The following PAX5 variants were observed in gnomAD, a reference collection of about 807,000 sequenced individuals.
PAX5 encodes paired box protein Pax-5.
In PAX5, 9 loss-of-function variants were observed where a neutral mutation model predicts 43.7. That is an observed-to-expected ratio of 0.21 (90% CI 0.12 to 0.36). The LOEUF is 0.36. Among genes scored for constraint, PAX5 ranks in the 10% least tolerant of loss-of-function variants. PAX5 has a pLI of 1.00. For synonymous variants in PAX5, 228 were observed against 214.3 expected, an observed-to-expected ratio of 1.06 and a Z score of -0.56; for missense variants, 383 against 532.7, an observed-to-expected ratio of 0.72 and a Z score of 2.77.
chr9:36,912,141 A>G (rs1233789401), intron 7 of PAX5, among the ~76,000 whole-genome samples: 1 of 152,200 alleles, frequency 6.6e-6, no homozygotes, highest in Non-Finnish European at 1.5e-5. Context: ...CCCTTCGGAG[A>G]GCATCCCCAC....
intron 8 of PAX5, among the ~76,000 whole-genome samples, chr9:36,871,814 C>G (rs1358843965): frequency 1.3e-5 from 2 of 152,218 alleles, no homozygotes; most frequent in African/African-American, 4.8e-5. Context: ...GCCCCTGGCT[C>G]TGAGCTCCCC....
At chr9:36,922,296 C>T (rs1830234339) in intron 7 of PAX5, among the ~76,000 whole-genome samples, 1 of 152,210 alleles carries the variant, frequency 6.6e-6, no homozygotes, top group South Asian at 2.1e-4. Context: ...GTCACTGTCA[C>T]TATTCACTGT....
At chr9:36,878,715 G>A (rs1354716133) in intron 8 of PAX5, among the ~76,000 whole-genome samples, 2 of 152,216 alleles carry the variant, frequency 1.3e-5, no homozygotes, top group African/African-American at 4.8e-5. Context: ...CTGTGGGACA[G>A]TGCCGGGGGT....
intron 8 of PAX5, among the ~76,000 whole-genome samples, chr9:36,864,865 C>T (rs551065478): frequency 3.9e-5 from 6 of 152,266 alleles, no homozygotes; most frequent in East Asian, 1.9e-4. Context: ...TTCACAGAGA[C>T]GAGGCCAGAG....
intron 7 of PAX5, among the ~76,000 whole-genome samples, chr9:36,911,769 C>G (rs565014817): frequency 3.5e-4 from 53 of 152,328 alleles, no homozygotes; most frequent in Non-Finnish European, 5.6e-4. Context: ...TGCCTGGCAC[C>G]CCGCCAGAGG....
At chr9:36,867,959 C>T (rs1326379903) in intron 8 of PAX5, among the ~76,000 whole-genome samples, 1 of 152,310 alleles carries the variant, frequency 6.6e-6, no homozygotes, top group Non-Finnish European at 1.5e-5. Context: ...CCTGGTTGGG[C>T]TCCCCTTGCC....
intron 5 of PAX5, among the ~76,000 whole-genome samples, chr9:36,981,009 C>T (rs1036460271): frequency 4.6e-5 from 7 of 152,116 alleles, no homozygotes; most frequent in Non-Finnish European, 7.4e-5. Context: ...GCCACACTCG[C>T]CTCCATAGGG....
intron 4 of PAX5, among the ~76,000 whole-genome samples, chr9:37,004,236 T>C (rs1035506322): frequency 1.3e-5 from 2 of 152,220 alleles, no homozygotes; most frequent in Non-Finnish European, 2.9e-5. Context: ...GGGGCAACTT[T>C]TGTGCAAGTT....
At chr9:36,949,486 A>G (rs1228706174) in intron 6 of PAX5, among the ~76,000 whole-genome samples, 1 of 152,254 alleles carries the variant, frequency 6.6e-6, no homozygotes, top group Non-Finnish European at 1.5e-5. Flanking sequence ...TTTGTTTGAG[A>G]TGTGATAATA....
chr9:37,028,012 C>G (rs1421536790), intron 1 of PAX5, among the ~76,000 whole-genome samples: 1 of 152,252 alleles, frequency 6.6e-6, no homozygotes, highest in African/African-American at 2.4e-5. Flanking sequence ...CTGCGGGTCC[C>G]ACGCGGGCTG....
chr9:36,970,556 A>G (rs910568179), intron 5 of PAX5, among the ~76,000 whole-genome samples: 2 of 152,150 alleles, frequency 1.3e-5, no homozygotes, highest in Admixed American at 6.5e-5. Flanking sequence ...AGGTCAGGCC[A>G]TGCTTTCTAA....
intron 1 of PAX5, among the ~76,000 whole-genome samples, chr9:37,025,733 C>T (rs1281255437): frequency 1.3e-5 from 2 of 152,232 alleles, no homozygotes; most frequent in African/African-American, 2.4e-5. Context: ...CGGCCTTGCC[C>T]TCGCCCTAAA....
chr9:37,002,923 C>A lies in PAX5; in HGVS notation c.476-147G>T, dbSNP rs1207324048. 17 of 973,890 alleles carry A rather than the reference C, an allele frequency of 1.7e-5. No homozygotes were observed. The South Asian group carries it at 3.0e-4, about 17-fold the overall frequency. 60.3% of individuals were successfully genotyped at this position (973,890 alleles called of 1,614,324 possible). The stretch of plus-strand genomic sequence containing the variant: ...GAGGACCCTCGCTCTGCGGAGGCGG[C>A]CACACCTGAGCCACGAGCGCAGGCC... On this transcript the variant is annotated intron_variant, in intron 4 of 9. Coordinates refer to ENST00000358127, the MANE Select transcript of PAX5 (RefSeq NM_016734.3).
chr9:36,888,049 G>A (rs920456121), intron 7 of PAX5, among the ~76,000 whole-genome samples: 1 of 152,192 alleles, frequency 6.6e-6, no homozygotes, highest in Admixed American at 6.5e-5. Flanking sequence ...AGCTCTCAGG[G>A]AAATGCAAAT....
At chr9:36,923,070 G>A (rs1196832368) in intron 7 of PAX5, 3 of 373,044 alleles carry the variant, frequency 8.0e-6, no homozygotes, top group Non-Finnish European at 1.4e-5. Flanking sequence ...CCCACCCACG[G>A]GGGCCCCTCT....
rs1032433971 is a variant in PAX5 at position 37,026,598 on chromosome 9, C to T, written c.47-5797G>A. The T allele has an allele frequency of 2.2e-6, 3 of 1,348,778 alleles. No individual in the cohort carries two copies. In the East Asian group the frequency reaches 1.1e-4, roughly 50 times the overall value. The allele number at this position is 1,348,778 out of a possible 1,614,324, so 83.6% of individuals were successfully genotyped here. A position where few individuals can be genotyped will look rare whatever the true frequency, so the allele number is the denominator to read the frequency against. On this transcript the variant is annotated intron_variant, in intron 1 of 9. Transcript: ENST00000358127. ...CATCGGGGCGCTCCAGACTGCAGGC[C>T]GGCCCACGCCGCCGCCTCCCGGCGC... is the stretch of plus-strand genomic sequence containing the variant.
At chr9:37,031,268 T>G (rs1840952634) in intron 1 of PAX5, among the ~76,000 whole-genome samples, 1 of 152,202 alleles carries the variant, frequency 6.6e-6, no homozygotes, top group Non-Finnish European at 1.5e-5. Context: ...CCCAAAGACT[T>G]GAGACAGGCA....
chr9:36,927,110 A>G (rs1427843877), intron 6 of PAX5, among the ~76,000 whole-genome samples: 3 of 152,176 alleles, frequency 2.0e-5, no homozygotes, highest in Non-Finnish European at 4.4e-5. Context: ...GGAATGGTAG[A>G]CTAGCTGGAA....
chr9:37,028,481 A>G (rs2132551434), intron 1 of PAX5, among the ~76,000 whole-genome samples: 1 of 152,306 alleles, frequency 6.6e-6, no homozygotes, highest in East Asian at 1.9e-4. Context: ...TAAAGTTAGT[A>G]ACTGGGGCGC....
Sources: gnomAD v4.1 joint callset for allele counts (sites outside exome capture counted in the v4.1 genomes callset) on GRCh38, gnomAD v4.1.1 for gene constraint, MANE v1.5 for transcripts, NCBI Gene and HGNC (gene_info 2026-07-23, HGNC 2026-07-21) for gene names.